The following NUDCD3 variants were observed in gnomAD, a reference collection of about 807,000 sequenced individuals.
NUDCD3 encodes nudC domain-containing protein 3.
NUDCD3 carries 13 observed loss-of-function variants against 39.7 expected under a neutral mutation model. The observed-to-expected ratio is 0.33, with a 90% CI of 0.21 to 0.52. The LOEUF is 0.52. Ranked by LOEUF, NUDCD3 falls within the 20% of genes least tolerant of loss-of-function variation. The pLI is 0.96. For synonymous variants in NUDCD3, 175 were observed against 172.4 expected (o/e 1.02, Z -0.12); for missense variants, 453 against 458.1 (o/e 0.99, Z 0.10).
rs558902885 is a variant in NUDCD3, at chr7:44,403,124, A to G, written c.786+1316T>C. On this transcript the variant is annotated intron_variant, in intron 4 of 5. Transcript: ENST00000355451. Reference sequence around the variant, plus strand: ...CTTCACAGTATTTGCAGGCAGGAGAAGAGCACTTCTCTGGTCTTTGGCTGC... The same window carrying G: ...CTTCACAGTATTTGCAGGCAGGAGAGGAGCACTTCTCTGGTCTTTGGCTGC... Among the ~76,000 whole-genome samples the G allele has an allele frequency of 7.9e-5, 12 of 152,344 alleles. No homozygotes were observed. In the South Asian group the frequency reaches 2.5e-3, roughly 32 times the overall value.
chr7:44,437,011 G>C (rs1008680054), intron 2 of NUDCD3, among the ~76,000 whole-genome samples: 1 of 148,706 alleles, frequency 6.7e-6, no homozygotes, highest in Non-Finnish European at 1.5e-5. Flanking sequence ...CTACCAATAT[G>C]CTCTCATAAT....
chr7:44,429,803 A>C (rs1322399326), intron 2 of NUDCD3, among the ~76,000 whole-genome samples: 1 of 152,194 alleles, frequency 6.6e-6, no homozygotes, highest in Non-Finnish European at 1.5e-5. Flanking sequence ...ACTGAATGAC[A>C]TGAGAAAAGA....
At chr7:44,390,530 T>C (rs1798494400) in intron 5 of NUDCD3, among the ~76,000 whole-genome samples, 1 of 151,740 alleles carries the variant, frequency 6.6e-6, no homozygotes, top group African/African-American at 2.4e-5. Context: ...CCTTAGTCCC[T>C]CCATCCTGTG....
intron 5 of NUDCD3, among the ~76,000 whole-genome samples, chr7:44,386,444 C>A (rs921659289): frequency 7.2e-5 from 11 of 152,192 alleles, no homozygotes; most frequent in Admixed American, 2.0e-4. Context: ...AAATTCCAAA[C>A]ACCCTGCAAC....
chr7:44,486,766 G>T lies in NUDCD3; in HGVS notation c.193-1482C>A, dbSNP rs181006799. 3.0e-4 allele frequency among the ~76,000 whole-genome samples: 45 copies of T among 152,264 alleles called. 1 individual carries two copies. The East Asian group carries it at 8.1e-3, about 27-fold the overall frequency. Reference sequence around the variant, plus strand: ...TGAGACTTCGAACACAGAACCCCCAGACTTGATAGTCCTCACCATGCAGCT... The same window carrying T: ...TGAGACTTCGAACACAGAACCCCCATACTTGATAGTCCTCACCATGCAGCT... On this transcript the variant is annotated intron_variant, in intron 1 of 5. Coordinates refer to ENST00000355451, the MANE Select transcript of NUDCD3 (RefSeq NM_015332.4).
chr7:44,490,433 C>G lies in NUDCD3; in HGVS notation c.168G>C (p.Gly56=). 6.3e-7 allele frequency: 1 copy of G among 1,585,032 alleles called. No individual in the cohort carries two copies. Among genetic ancestry groups the G allele is most frequent in the Non-Finnish European group, 8.6e-7 (1 of 1,166,508 alleles). The change falls in exon 1 of 6, where the codon GGG becomes GGC. Residue 56 remains glycine (G), a synonymous_variant. Coordinates refer to ENST00000355451, the MANE Select transcript of NUDCD3 (RefSeq NM_015332.4). Reference sequence around the variant, plus strand: ...CCTGCAGCACCAAGGCCTGCGCGGCCCCGGGCGGGAAGCCCATGCGGTCCG... The same window carrying G: ...CCTGCAGCACCAAGGCCTGCGCGGCGCCGGGCGGGAAGCCCATGCGGTCCG... ...HPSDRMGFPP[G]AAQALVLQVF... is the part of the protein sequence containing the mutation.
chr7:44,483,328 CA>C (rs891072918), intron 2 of NUDCD3, among the ~76,000 whole-genome samples: 16 of 149,476 alleles, frequency 1.1e-4, no homozygotes, highest in East Asian at 5.8e-4. Context: ...AAAACAAAAA[CA>C]AAAAAAAAGT....
At chr7:44,463,163 G>C (rs922237530) in intron 2 of NUDCD3, among the ~76,000 whole-genome samples, 3 of 152,140 alleles carry the variant, frequency 2.0e-5, no homozygotes, top group Non-Finnish European at 4.4e-5. Flanking sequence ...AGAAACCCTA[G>C]CCCGCTCTAG....
intron 4 of NUDCD3, among the ~76,000 whole-genome samples, chr7:44,403,967 C>T (rs1308360326): frequency 4.6e-5 from 7 of 152,264 alleles, no homozygotes; most frequent in African/African-American, 1.2e-4. Flanking sequence ...CTGGCCCAGG[C>T]GTGCAGCCCA....
At position 44,453,384 on chromosome 7, in the gene NUDCD3, T is replaced by TA. The variant is rs200485427; in HGVS notation, c.510-25682dup. The stretch of plus-strand genomic sequence containing the variant: ...ATAAATAAATAAATAAATAAATAAA[T>TA]AATAATAAATAAACAATGTCCATAG... On this transcript the variant is annotated intron_variant, in intron 2 of 5. Transcript: ENST00000355451. 4.8e-3 allele frequency among the ~76,000 whole-genome samples: 724 copies of TA among 151,424 alleles called. 2 individuals are homozygous for TA. Among genetic ancestry groups the TA allele is most frequent in the African/African-American group, 0.016 (674 of 41,154 alleles).
At chr7:44,426,148 C>T (rs2116899959) in intron 3 of NUDCD3, 5 of 985,470 alleles carry the variant, frequency 5.1e-6, no homozygotes, top group South Asian at 4.7e-5. Context: ...GGGTCTCACC[C>T]ATGACCTGAT....
chr7:44,398,388 T>C (rs540367246), intron 4 of NUDCD3, among the ~76,000 whole-genome samples: 42 of 152,224 alleles, frequency 2.8e-4, no homozygotes, highest in Admixed American at 1.4e-3. Flanking sequence ...CCAGACAAGG[T>C]TGGTGGAGGT....
At chr7:44,429,286 C>T (rs954729764) in intron 2 of NUDCD3, among the ~76,000 whole-genome samples, 1 of 152,182 alleles carries the variant, frequency 6.6e-6, no homozygotes, top group East Asian at 1.9e-4. Flanking sequence ...AGGGTCTTTA[C>T]ACAGGTGATG....
intron 2 of NUDCD3, among the ~76,000 whole-genome samples, chr7:44,450,470 G>A (rs1484019484): frequency 2.0e-5 from 3 of 151,738 alleles, no homozygotes; most frequent in East Asian, 2.0e-4. Context: ...GAGCCACTGC[G>A]CCCGGCCAAG....
chr7:44,438,548 T>C (rs1459536285), intron 2 of NUDCD3, among the ~76,000 whole-genome samples: 1 of 152,024 alleles, frequency 6.6e-6, no homozygotes, highest in Admixed American at 6.6e-5. Context: ...TAGACTGTCC[T>C]CAACCAGCCC....
At chr7:44,413,884 C>G (rs991847941) in intron 3 of NUDCD3, among the ~76,000 whole-genome samples, 7 of 152,048 alleles carry the variant, frequency 4.6e-5, no homozygotes, top group Non-Finnish European at 1.0e-4. Flanking sequence ...AGGAAAACCC[C>G]ATCTCTACAA....
intron 3 of NUDCD3, among the ~76,000 whole-genome samples, chr7:44,408,923 C>T (rs1421175753): frequency 6.6e-6 from 1 of 152,194 alleles, no homozygotes; most frequent in African/African-American, 2.4e-5. Flanking sequence ...CCCTGTAAGA[C>T]CTCATTTGCA....
chr7:44,488,592 T>C (rs934986262), intron 1 of NUDCD3, among the ~76,000 whole-genome samples: 2 of 152,282 alleles, frequency 1.3e-5, no homozygotes, highest in African/African-American at 2.4e-5. Context: ...TCCAATAGCC[T>C]ATGGGCAGGG....
chr7:44,465,601 T>A (rs1453373521), intron 2 of NUDCD3, among the ~76,000 whole-genome samples: 3 of 152,136 alleles, frequency 2.0e-5, no homozygotes, highest in Admixed American at 2.0e-4. Flanking sequence ...AAGAAAAAAG[T>A]AAGAAGACAG....
Sources: gnomAD v4.1 joint callset for allele counts (sites outside exome capture counted in the v4.1 genomes callset) on GRCh38, gnomAD v4.1.1 for gene constraint, MANE v1.5 for transcripts, NCBI Gene and HGNC (gene_info 2026-07-23, HGNC 2026-07-21) for gene names.